CYP27C1: variants seen among roughly 807,000 people sequenced by gnomAD.
The protein encoded by CYP27C1 is cytochrome P450 family 27 subfamily C member 1, also known as cytochrome P450 27C1.
In CYP27C1, 29 loss-of-function variants were observed where a neutral mutation model predicts 40.6. The ratio of observed to expected loss-of-function variants is 0.71; its 90% CI spans 0.53 to 0.97. The LOEUF is 0.97. Ranked by LOEUF, CYP27C1 falls within the 50% of genes least tolerant of loss-of-function variation. CYP27C1 has a pLI of 0.00. For missense variants in CYP27C1, 390 were observed against 485.8 expected, an observed-to-expected ratio of 0.80 and a Z score of 1.85; for synonymous variants, 198 against 186.8, an observed-to-expected ratio of 1.06 and a Z score of -0.49.
At chr2:127,210,657 T>A (rs1396974648) in intron 1 of CYP27C1, among the ~76,000 whole-genome samples, 11 of 145,906 alleles carry the variant, frequency 7.5e-5, no homozygotes, top group African/African-American at 2.6e-4. Flanking sequence ...AATAAAGGGA[T>A]GGAGGAAAAT....
At position 127,208,117 on chromosome 2, in the gene CYP27C1, G is replaced by C. The variant is rs1441460667; in HGVS notation, c.283-2027C>G. Among the ~76,000 whole-genome samples, 1 of 152,190 alleles carries C rather than the reference G, an allele frequency of 6.6e-6. No homozygotes were observed. The highest frequency in any genetic ancestry group is 2.1e-4 in the South Asian group (1 of 4,834). The stretch of plus-strand genomic sequence containing the variant: ...CCAAGATGGCCAACTAGAAGCAGTG[G>C]TGCTCAGAGGCTCCCATCAAAAAAA... On this transcript the variant is annotated intron_variant, in intron 1 of 8. Coordinates refer to ENST00000664447, the MANE Select transcript of CYP27C1 (RefSeq NM_001367502.1). This position sits in a 1 kb window ranked among gnomAD's most constrained non-coding sequence, Gnocchi z 5.2.
In CYP27C1 at chr2:127,203,439, C is replaced by T; in HGVS notation, c.606G>A (p.Arg202=). 1 of 1,613,958 alleles carries T rather than the reference C, an allele frequency of 6.2e-7. No individual in the cohort carries two copies. The highest frequency in any genetic ancestry group is 8.5e-7 in the Non-Finnish European group (1 of 1,179,974). Reference sequence around the variant, plus strand: ...CGGTTTCTCCATCTTCTGCCTGGCTCCTGAGGAGGTAGATTCTTTTAATTA... The same window carrying T: ...CGGTTTCTCCATCTTCTGCCTGGCTTCTGAGGAGGTAGATTCTTTTAATTA... ...ADLIKRIYLL[R]SQAEDGETVT... is the part of the protein sequence containing the mutation. The change falls in exon 3 of 9, where the codon AGG becomes AGA. Residue 202 remains arginine (R), a synonymous_variant. Transcript: ENST00000664447.
rs774843419 is a variant in CYP27C1 at position 127,193,135 on chromosome 2, G to A, written c.1456C>T (p.Arg486Trp). The A allele has an allele frequency of 2.3e-5, 37 of 1,614,154 alleles. No homozygotes were observed. Among genetic ancestry groups the A allele is most frequent in the Non-Finnish European group, 3.1e-5 (36 of 1,180,030 alleles). ...FGHGVRSCIG[R>W]RIAELEIHLV... ...TGAATCTCCAGTTCTGCAATTCTCC[G>A]CCCTATGCAGCTGCGAACCCCATGA... Residue 486 changes from arginine to tryptophan, a missense_variant, in exon 8 of 9, where the codon CGG (arginine) becomes TGG (tryptophan). By Grantham distance (101) the Arg-to-Trp change is moderately radical. Coordinates refer to ENST00000664447, the MANE Select transcript of CYP27C1 (RefSeq NM_001367502.1).
At chr2:127,205,590 G>T in intron 2 of CYP27C1, 3 of 763,436 alleles carry the variant, frequency 3.9e-6, no homozygotes, top group Non-Finnish European at 4.8e-6. Flanking sequence ...TGTGAGTTTT[G>T]TCTGCCTCGG....
intron 1 of CYP27C1, among the ~76,000 whole-genome samples, chr2:127,215,005 T>G (rs1683403524): frequency 6.6e-6 from 1 of 151,416 alleles, no homozygotes. Context: ...GGCGGGCGCC[T>G]GTAGTCCCAG....
intron 8 of CYP27C1, among the ~76,000 whole-genome samples, chr2:127,190,331 C>CTTT (rs11400543): frequency 5.2e-4 from 62 of 120,072 alleles, no homozygotes; most frequent in Non-Finnish European, 6.0e-4. Flanking sequence ...TGTGGCTTCT[C>CTTT]TTTTTTTTTT....
At chr2:127,206,917 G>A (rs1194139502) in intron 1 of CYP27C1, among the ~76,000 whole-genome samples, 3 of 152,018 alleles carry the variant, frequency 2.0e-5, no homozygotes, top group Non-Finnish European at 4.4e-5. Context: ...AAAATCCTAC[G>A]GAACCTACTA....
At chr2:127,190,602 AG>A (rs1476667307) in intron 8 of CYP27C1, among the ~76,000 whole-genome samples, 3 of 149,630 alleles carry the variant, frequency 2.0e-5, no homozygotes, top group Non-Finnish European at 4.4e-5. Flanking sequence ...GGCCTCCCAA[AG>A]TGCTGGGATT....
Position 127,196,145 on chromosome 2 carries a change from C to T in CYP27C1, c.1048-644G>A, listed in dbSNP as rs979541504. Among the ~76,000 whole-genome samples, 1 of 151,958 alleles carries T rather than the reference C, an allele frequency of 6.6e-6. No homozygotes were observed. The highest frequency in any genetic ancestry group is 1.5e-5 in the Non-Finnish European group (1 of 67,996). On this transcript the variant is annotated intron_variant, in intron 5 of 8. Transcript: ENST00000664447. The surrounding 1 kb of genome is among the most constrained non-coding windows in gnomAD (Gnocchi z 4.5). ...TGACGCGATCTCGGCTCACTGCAAG[C>T]TCTGCCTCCCGGGTTCATGCCATTC...
chr2:127,190,261 T>TAAA (rs375319313), intron 8 of CYP27C1, among the ~76,000 whole-genome samples: 36 of 148,618 alleles, frequency 2.4e-4, no homozygotes, highest in African/African-American at 3.9e-4. Flanking sequence ...TTTTCTTGAT[T>TAAA]AAAAAAAAAT....
intron 6 of CYP27C1, among the ~76,000 whole-genome samples, chr2:127,194,396 A>G (rs1015493077): frequency 2.6e-5 from 4 of 152,134 alleles, no homozygotes; most frequent in Non-Finnish European, 5.9e-5. Context: ...GTCAGCTTTG[A>G]AAGAATTCTT....
chr2:127,211,361 G>GTTT lies in CYP27C1; in HGVS notation c.283-5274_283-5272dup, dbSNP rs1156982574. On this transcript the variant is annotated intron_variant, in intron 1 of 8. Transcript: ENST00000664447. ...ATCTCTGGGATACAGCTAAAGCAGT[G>GTTT]TTTTTTTGTTTTTTTTTTTTTTTTT... 1.7e-3 allele frequency among the ~76,000 whole-genome samples: 172 copies of GTTT among 103,626 alleles called. 9 individuals are homozygous for GTTT. Among genetic ancestry groups the GTTT allele is most frequent in the African/African-American group, 5.2e-3 (131 of 25,204 alleles). The allele number at this position is 103,626 out of a possible 152,430, so 68.0% of individuals were successfully genotyped here.
intron 1 of CYP27C1, among the ~76,000 whole-genome samples, chr2:127,207,387 C>T (rs1320859539): frequency 4.6e-5 from 7 of 152,046 alleles, no homozygotes; most frequent in African/African-American, 1.4e-4. Flanking sequence ...CCCAGCTACT[C>T]GGAGGCTGAG....
At position 127,187,529 on chromosome 2, in the gene CYP27C1, G is replaced by A. The variant is rs140005204; in HGVS notation, c.1498-142C>T. ...GAGCACCCACATCCAGCTTTTGGAG[G>A]CTACAGAACCTCCAGGTCAGTGGGA... On this transcript the variant is annotated intron_variant, in intron 8 of 8. Transcript: ENST00000664447. 5.6e-3 allele frequency: 3,843 copies of A among 684,248 alleles called. 19 individuals are homozygous for A. The highest frequency in any genetic ancestry group is 8.2e-3 in the Non-Finnish European group (3,288 of 399,338). The allele number at this position is 684,248 out of a possible 1,614,324, so 42.4% of individuals were successfully genotyped here. A position where few individuals can be genotyped will look rare whatever the true frequency, so the allele number is the denominator to read the frequency against.
intron 1 of CYP27C1, among the ~76,000 whole-genome samples, chr2:127,211,444 G>A (rs372619966): frequency 2.1e-5 from 3 of 140,456 alleles, no homozygotes; most frequent in South Asian, 2.3e-4. Context: ...CTGCAGTGGC[G>A]CTATCTTGGC....
rs891716633 is a variant in CYP27C1 at position 127,196,427 on chromosome 2, G to A, written c.1048-926C>T. Among the ~76,000 whole-genome samples, 9 of 151,608 alleles carry A rather than the reference G, an allele frequency of 5.9e-5. No homozygotes were observed. Among genetic ancestry groups the A allele is most frequent in the African/African-American group, 1.2e-4 (5 of 41,240 alleles). On this transcript the variant is annotated intron_variant, in intron 5 of 8. Coordinates refer to ENST00000664447, the MANE Select transcript of CYP27C1 (RefSeq NM_001367502.1). The surrounding 1 kb of genome is among the most constrained non-coding windows in gnomAD (Gnocchi z 4.5). ...TATTGAAAATAATTGTTTTATTCTC[G>A]TAGGTCCCAAGATTTTCGCTAAAAT...
At position 127,219,440 on chromosome 2, in the gene CYP27C1, C is replaced by T. The variant is rs978806425; in HGVS notation, c.282+549G>A. ...TCCCCAGGTTCCCCAACCAGGCAAT[C>T]CCTGCCTGGGTCCCTCCCCGGGACC... is the stretch of plus-strand genomic sequence containing the variant. On this transcript the variant is annotated intron_variant, in intron 1 of 8. Transcript: ENST00000664447. This position sits in a 1 kb window ranked among gnomAD's most constrained non-coding sequence, Gnocchi z 8.7. Among the ~76,000 whole-genome samples the T allele has an allele frequency of 5.3e-5, 8 of 151,960 alleles. No individual in the cohort carries two copies. Among genetic ancestry groups the T allele is most frequent in the South Asian group, 2.1e-4 (1 of 4,826 alleles).
In CYP27C1 at chr2:127,195,248, C is replaced by G; in HGVS notation, c.1214+87G>C. The G allele has an allele frequency of 6.4e-7, 1 of 1,553,232 alleles. No homozygotes were observed. The highest frequency in any genetic ancestry group is 8.8e-7 in the Non-Finnish European group (1 of 1,135,590). The stretch of plus-strand genomic sequence containing the variant: ...ACATCCTCATCCTGAACAGGTCAGC[C>G]GGGGGGGCATTTGGAGGACTTGTTG... On this transcript the variant is annotated intron_variant, in intron 6 of 8. Transcript: ENST00000664447. The surrounding 1 kb of genome is among the most constrained non-coding windows in gnomAD (Gnocchi z 6.2).
At chr2:127,191,444 C>T (rs1005244494) in intron 8 of CYP27C1, among the ~76,000 whole-genome samples, 1 of 152,162 alleles carries the variant, frequency 6.6e-6, no homozygotes, top group African/African-American at 2.4e-5. Flanking sequence ...CAGCCAGAGC[C>T]TGGGGGCAAC....
Sources: allele counts gnomAD v4.1 joint callset (sites outside exome capture counted in the v4.1 genomes callset), GRCh38; gene constraint gnomAD v4.1.1; non-coding constraint Gnocchi (gnomAD v3.1); transcripts MANE v1.5; gene names NCBI Gene and HGNC (gene_info 2026-07-23, HGNC 2026-07-21).